The following TAMM41 variants were observed in gnomAD, a reference collection of about 807,000 sequenced individuals.
TAMM41 encodes phosphatidate cytidylyltransferase, mitochondrial.
TAMM41 carries 36 observed loss-of-function variants against 44.1 expected under a neutral mutation model. The ratio of observed to expected loss-of-function variants is 0.82; its 90% CI spans 0.63 to 1.08. The LOEUF is 1.08. Ranked by LOEUF, TAMM41 falls within the 50% of genes least tolerant of loss-of-function variation. TAMM41 has a pLI of 0.00. For synonymous variants in TAMM41, 164 were observed against 153.1 expected, an observed-to-expected ratio of 1.07 and a Z score of -0.53; for missense variants, 417 against 404.3, an observed-to-expected ratio of 1.03 and a Z score of -0.27.
At chr3:11,842,969 C>T (rs1559332524) in intron 2 of TAMM41, among the ~76,000 whole-genome samples, 1 of 152,174 alleles carries the variant, frequency 6.6e-6, no homozygotes, top group Non-Finnish European at 1.5e-5. Flanking sequence ...GACTGCGATG[C>T]TTCAGCTGAA....
chr3:11,768,543 T>C, the TAMM41 span, among the ~76,000 whole-genome samples: 2 of 152,242 alleles, frequency 1.3e-5, no homozygotes, highest in African/African-American at 4.8e-5. Flanking sequence ...TTTTATGCAA[T>C]TACATACTCA....
At chr3:11,775,550 G>A in the TAMM41 span, among the ~76,000 whole-genome samples, 1 of 152,226 alleles carries the variant, frequency 6.6e-6, no homozygotes, top group Non-Finnish European at 1.5e-5. Context: ...TCACGCCACT[G>A]CACTGGTGGA....
At chr3:11,795,953 G>A (rs562818651) in intron 7 of TAMM41, among the ~76,000 whole-genome samples, 9 of 152,286 alleles carry the variant, frequency 5.9e-5, no homozygotes, top group African/African-American at 1.9e-4. Flanking sequence ...TGAGAATGAT[G>A]TTATTCTACT....
At chr3:11,798,298 C>G (rs1195041354) in intron 7 of TAMM41, among the ~76,000 whole-genome samples, 1 of 152,166 alleles carries the variant, frequency 6.6e-6, no homozygotes, top group African/African-American at 2.4e-5. Flanking sequence ...TACATATACA[C>G]CATGGAATAC....
chr3:11,743,120 A>G, the TAMM41 span, among the ~76,000 whole-genome samples: 1 of 152,156 alleles, frequency 6.6e-6, no homozygotes, highest in African/African-American at 2.4e-5. Flanking sequence ...GGATGAGAGC[A>G]GAGGCCACCA....
chr3:11,768,193 G>A, the TAMM41 span, among the ~76,000 whole-genome samples: 10 of 151,474 alleles, frequency 6.6e-5, no homozygotes, highest in East Asian at 1.2e-3. Context: ...CTGGAGTGTA[G>A]TGGCGTGACC....
At chr3:11,829,074 T>C (rs1308607689) in intron 4 of TAMM41, among the ~76,000 whole-genome samples, 1 of 152,140 alleles carries the variant, frequency 6.6e-6, no homozygotes, top group Non-Finnish European at 1.5e-5. Context: ...CTCTACCCTC[T>C]CAGTTGTCTC....
At chr3:11,786,739 T>A (rs1323779211), downstream of TAMM41, among the ~76,000 whole-genome samples, 1 of 152,158 alleles carries the variant, frequency 6.6e-6, no homozygotes, top group Non-Finnish European at 1.5e-5. Context: ...TAGCTGGGGC[T>A]ACAGGTGTGT....
Position 11,809,587 on chromosome 3 carries a change from T to C in TAMM41, c.804A>G (p.Lys268=). 2.5e-6 allele frequency: 4 copies of C among 1,614,130 alleles called. No individual in the cohort carries two copies. Among genetic ancestry groups the C allele is most frequent in the Non-Finnish European group, 3.4e-6 (4 of 1,180,026 alleles). Reference sequence around the variant, plus strand: ...ATAAAGTTTCTTCCACATCTCTGTTTTTTCCAGGAGGGTCCATAATATGAT... The same window carrying C: ...ATAAAGTTTCTTCCACATCTCTGTTCTTTCCAGGAGGGTCCATAATATGAT... ...QINHIMDPPG[K]NRDVEETLFQ... is the part of the protein sequence containing the mutation. The change falls in exon 6 of 8, where the codon AAA becomes AAG. Residue 268 remains lysine (K), a synonymous_variant. Transcript: ENST00000455809.
At chr3:11,803,732 C>CA (rs145134840) in intron 7 of TAMM41, among the ~76,000 whole-genome samples, 2,201 of 152,302 alleles carry the variant, frequency 0.014, 66 homozygotes, top group African/African-American at 0.05. Context: ...ATCTATATCT[C>CA]ACCTTGAATA....
chr3:11,789,340 G>A (rs1401550335), downstream of TAMM41, among the ~76,000 whole-genome samples: 3 of 152,206 alleles, frequency 2.0e-5, no homozygotes, highest in East Asian at 1.9e-4. Flanking sequence ...GAGAGCCTAC[G>A]GGTCTGCACT....
chr3:11,749,516 T>A, the TAMM41 span, among the ~76,000 whole-genome samples: 1 of 152,234 alleles, frequency 6.6e-6, no homozygotes, highest in East Asian at 1.9e-4. Context: ...AGTCCATTGT[T>A]TAGTACTAGA....
At chr3:11,813,904 ATATG>A (rs147448818) in intron 5 of TAMM41, among the ~76,000 whole-genome samples, 17,184 of 147,786 alleles carry the variant, frequency 0.12, 2,174 homozygotes, top group East Asian at 0.47. Context: ...ATATATGTAT[ATATG>A]TGTGTATATA....
intron 4 of TAMM41, among the ~76,000 whole-genome samples, chr3:11,827,852 C>T (rs1056153787): frequency 6.6e-6 from 1 of 151,932 alleles, no homozygotes; most frequent in Non-Finnish European, 1.5e-5. Flanking sequence ...CAAATAATAC[C>T]AATCTCGCCT....
At chr3:11,776,082 T>C in the TAMM41 span, among the ~76,000 whole-genome samples, 1 of 151,386 alleles carries the variant, frequency 6.6e-6, no homozygotes, top group Non-Finnish European at 1.5e-5. Flanking sequence ...GGCCTGATCT[T>C]GGCTCACTGC....
At chr3:11,795,064 AAT>A in intron 7 of TAMM41, among the ~76,000 whole-genome samples, 1 of 152,196 alleles carries the variant, frequency 6.6e-6, no homozygotes, top group African/African-American at 2.4e-5. Flanking sequence ...AGTTTTAAGA[AAT>A]CAGAAGCAGA....
At chr3:11,844,895 CT>C (rs1419623211) in intron 1 of TAMM41, 1 of 456,300 alleles carries the variant, frequency 2.2e-6, no homozygotes, top group Non-Finnish European at 4.4e-6. Flanking sequence ...ACTAACTGCA[CT>C]CAGCATAGGG....
At chr3:11,783,674 C>A in the TAMM41 span, among the ~76,000 whole-genome samples, 1 of 152,136 alleles carries the variant, frequency 6.6e-6, no homozygotes, top group Admixed American at 6.5e-5. Flanking sequence ...GCAGTAATAT[C>A]AACAATAACA....
the TAMM41 span, among the ~76,000 whole-genome samples, chr3:11,741,328 G>A: frequency 1.3e-5 from 2 of 148,946 alleles, no homozygotes; most frequent in South Asian, 4.2e-4. Flanking sequence ...AAGGTGGAAG[G>A]ACAAGAGAGC....
Sources: allele counts gnomAD v4.1 joint callset (sites outside exome capture counted in the v4.1 genomes callset), GRCh38; gene constraint gnomAD v4.1.1; transcripts MANE v1.5; gene names NCBI Gene and HGNC (gene_info 2026-07-23, HGNC 2026-07-21).